The following PLCH1 variants were observed in gnomAD, a reference collection of about 807,000 sequenced individuals.
PLCH1 encodes phospholipase C eta 1.
In PLCH1, 60 loss-of-function variants were observed where a neutral mutation model predicts 126.7. That is an observed-to-expected ratio of 0.47 (90% CI 0.38 to 0.59). The LOEUF (loss-of-function observed/expected upper bound fraction) is 0.59. Among genes scored for constraint, PLCH1 ranks in the 20% least tolerant of loss-of-function variants. The pLI, the probability that PLCH1 is intolerant of heterozygous loss-of-function variation, is 0.00. For missense variants in PLCH1, 1,723 were observed against 2,040.0 expected (o/e 0.84, Z 2.99); for synonymous variants, 719 against 734.9 (o/e 0.98, Z 0.35).
chr3:155,721,017 G>C (rs1342653614), intron 1 of PLCH1, among the ~76,000 whole-genome samples: 1 of 152,178 alleles, frequency 6.6e-6, no homozygotes, highest in East Asian at 1.9e-4. Context: ...TTGAAGATCA[G>C]TTGGCTGTAT....
intron 2 of PLCH1, among the ~76,000 whole-genome samples, chr3:155,663,338 G>A (rs1742387594): frequency 6.6e-6 from 1 of 152,126 alleles, no homozygotes; most frequent in South Asian, 2.1e-4. Context: ...AATCAATTTA[G>A]ACAACTGCCT....
At chr3:155,633,435 C>A (rs920135507) in intron 2 of PLCH1, among the ~76,000 whole-genome samples, 1 of 122,200 alleles carries the variant, frequency 8.2e-6, no homozygotes. Flanking sequence ...CACACACACA[C>A]ACACACACAC....
intron 2 of PLCH1, among the ~76,000 whole-genome samples, chr3:155,621,733 A>G (rs1736537852): frequency 6.6e-6 from 1 of 152,166 alleles, no homozygotes; most frequent in African/African-American, 2.4e-5. Flanking sequence ...AAAGAAACAA[A>G]CAAAGCCTCC....
At chr3:155,720,015 T>G (rs992336878) in intron 1 of PLCH1, among the ~76,000 whole-genome samples, 1 of 152,154 alleles carries the variant, frequency 6.6e-6, no homozygotes. Context: ...AAGCTGGTCT[T>G]GAACTCCTGA....
intron 2 of PLCH1, among the ~76,000 whole-genome samples, chr3:155,649,416 G>A (rs1740441184): frequency 6.6e-6 from 1 of 152,068 alleles, no homozygotes; most frequent in Admixed American, 6.5e-5. Flanking sequence ...GAGGTCTAGG[G>A]ACCATCTGAC....
At chr3:155,701,646 C>G (rs1746281957) in intron 2 of PLCH1, among the ~76,000 whole-genome samples, 1 of 152,164 alleles carries the variant, frequency 6.6e-6, no homozygotes, top group Admixed American at 6.5e-5. Context: ...AGTAAATGTT[C>G]AAGAAGCCCA....
chr3:155,545,410 A>T (rs201841199), intron 10 of PLCH1, among the ~76,000 whole-genome samples: 1 of 146,392 alleles, frequency 6.8e-6, no homozygotes, highest in Admixed American at 6.7e-5. Context: ...CTTACCAACC[A>T]AAAAGAGTCC....
At chr3:155,639,198 C>T (rs1469195852) in intron 2 of PLCH1, among the ~76,000 whole-genome samples, 1 of 152,126 alleles carries the variant, frequency 6.6e-6, no homozygotes, top group Admixed American at 6.6e-5. Context: ...GGTGCTCACA[C>T]CGGTAATGTC....
At chr3:155,484,091 CT>C (rs2108022590) in intron 22 of PLCH1, among the ~76,000 whole-genome samples, 1 of 152,112 alleles carries the variant, frequency 6.6e-6, no homozygotes, top group African/African-American at 2.4e-5. Flanking sequence ...TTGTAGTCTG[CT>C]TTTTCTGTAC....
At chr3:155,476,943 A>T (rs545860820), downstream of PLCH1, among the ~76,000 whole-genome samples, 78 of 152,224 alleles carry the variant, frequency 5.1e-4, no homozygotes, top group Non-Finnish European at 1.0e-3. Flanking sequence ...GAGTAGCCAA[A>T]GGTATCCTAA....
intron 2 of PLCH1, among the ~76,000 whole-genome samples, chr3:155,606,606 C>T (rs1052806492): frequency 1.3e-5 from 2 of 152,278 alleles, no homozygotes; most frequent in Admixed American, 1.3e-4. Context: ...GTGGCAGTTG[C>T]TTATAGTGAA....
intron 2 of PLCH1, among the ~76,000 whole-genome samples, chr3:155,650,123 T>C (rs1274367886): frequency 1.3e-5 from 2 of 151,934 alleles, no homozygotes; most frequent in Non-Finnish European, 1.5e-5. Context: ...AAAACAGTCA[T>C]GAAACTAATA....
intron 2 of PLCH1, among the ~76,000 whole-genome samples, chr3:155,686,067 G>T (rs1744914863): frequency 6.6e-6 from 1 of 152,202 alleles, no homozygotes. Context: ...ATGGGGCAAA[G>T]GGCCATGAGG....
Position 155,470,773 on chromosome 3 carries a change from A to G in PLCH1, c.2938+14583T>C, listed in dbSNP as rs1330926361. Reference sequence around the variant, plus strand: ...CAGAAGAGAGTGGGGGCCAATATTCAACATTCTTAAAGAAAAGAATTTTCA... The same window carrying G: ...CAGAAGAGAGTGGGGGCCAATATTCGACATTCTTAAAGAAAAGAATTTTCA... On this transcript the variant is annotated intron_variant, in intron 21 of 21. Transcript: ENST00000494598. Among the ~76,000 whole-genome samples the G allele has an allele frequency of 2.6e-5, 4 of 152,176 alleles. No homozygotes were observed. The East Asian group carries it at 7.7e-4, about 29-fold the overall frequency.
At chr3:155,589,429 T>G (rs1161690907) in intron 4 of PLCH1, among the ~76,000 whole-genome samples, 1 of 152,132 alleles carries the variant, frequency 6.6e-6, no homozygotes, top group East Asian at 1.9e-4. Context: ...GGTCACAAAA[T>G]GTTTTTCTTT....
rs1038326968 is a variant in PLCH1, at chr3:155,583,748, A to G, written c.601-106T>C. The G allele has an allele frequency of 4.3e-6, 3 of 697,408 alleles. No individual in the cohort carries two copies. In the African/African-American group the frequency reaches 5.6e-5, roughly 13 times the overall value. 43.2% of individuals were successfully genotyped at this position (697,408 alleles called of 1,614,324 possible). Reference sequence around the variant, plus strand: ...AAAGAGCTAGTACACAAATCCCAAGAGGTGAGCACACATTCTCTTCGAGCA... The same window carrying G: ...AAAGAGCTAGTACACAAATCCCAAGGGGTGAGCACACATTCTCTTCGAGCA... On this transcript the variant is annotated intron_variant, in intron 5 of 22. Coordinates refer to ENST00000460012, the MANE Select transcript of PLCH1 (RefSeq NM_014996.4).
chr3:155,620,729 G>A (rs1736370723), intron 2 of PLCH1, among the ~76,000 whole-genome samples: 1 of 152,156 alleles, frequency 6.6e-6, no homozygotes, highest in Non-Finnish European at 1.5e-5. Flanking sequence ...TCTCTGGGCA[G>A]GCCATCTCTG....
intron 2 of PLCH1, among the ~76,000 whole-genome samples, chr3:155,669,110 G>C (rs548495063): frequency 6.6e-6 from 1 of 151,200 alleles, no homozygotes; most frequent in Non-Finnish European, 1.5e-5. Flanking sequence ...AGTTATGCCC[G>C]AGGAGTGGGC....
In PLCH1 at chr3:155,501,211, T is replaced by C. The variant is rs116581555; in HGVS notation, c.1705-417A>G. ...ACATTTGGTTTTTTAAGAAAGGACATGTAGTAACTTTTAAAAAAATAAATA... is the reference window on the plus strand; with the variant it reads ...ACATTTGGTTTTTTAAGAAAGGACACGTAGTAACTTTTAAAAAAATAAATA... On this transcript the variant is annotated intron_variant, in intron 13 of 22. Coordinates refer to ENST00000460012, the MANE Select transcript of PLCH1 (RefSeq NM_014996.4). 9.9e-3 allele frequency among the ~76,000 whole-genome samples: 1,506 copies of C among 152,300 alleles called. 8 individuals are homozygous for C. Among genetic ancestry groups the C allele is most frequent in the Non-Finnish European group, 0.017 (1,152 of 68,028 alleles).
Sources: gnomAD v4.1 joint callset for allele counts (sites outside exome capture counted in the v4.1 genomes callset) on GRCh38, gnomAD v4.1.1 for gene constraint, MANE v1.5 for transcripts, NCBI Gene and HGNC (gene_info 2026-07-23, HGNC 2026-07-21) for gene names.